The following CDK5RAP2 variants were observed in gnomAD, a reference collection of about 807,000 sequenced individuals.
CDK5RAP2 encodes CDK5 regulatory subunit-associated protein 2.
Under a neutral mutation model 232.9 loss-of-function variants are expected in CDK5RAP2, and 147 were observed. The ratio of observed to expected loss-of-function variants is 0.63; its 90% confidence interval spans 0.55 to 0.72. The LOEUF (loss-of-function observed/expected upper bound fraction) is 0.72, where lower values mean the gene tolerates loss of function less well. CDK5RAP2 is among the 30% of genes least tolerant of loss of function. CDK5RAP2 has a pLI of 0.00. For synonymous variants in CDK5RAP2, 833 were observed against 833.7 expected, an observed-to-expected ratio of 1.00 and a Z score of 0.01; for missense variants, 2,195 against 2,231.5, an observed-to-expected ratio of 0.98 and a Z score of 0.33.
chr9:120,456,466 C>G (rs899079488), intron 20 of CDK5RAP2, among the ~76,000 whole-genome samples: 1 of 152,182 alleles, frequency 6.6e-6, no homozygotes, highest in African/African-American at 2.4e-5. Context: ...AGAAGGCCCT[C>G]TGCATATCCA....
At chr9:120,482,046 G>C (rs2131589085) in intron 14 of CDK5RAP2, among the ~76,000 whole-genome samples, 1 of 152,252 alleles carries the variant, frequency 6.6e-6, no homozygotes, top group Middle Eastern at 3.4e-3. Context: ...CCATTTTTCA[G>C]ATGATGAAAC....
At position 120,467,924 on chromosome 9, in the gene CDK5RAP2, A is replaced by G. The variant is rs2037474838; in HGVS notation, c.2042T>C (p.Leu681Pro). ...ATTTCCCTGGAAACCCATGCAGGAG[A>G]GATCAAAAATGGTTTTCTTCAGGTG... The part of the protein sequence containing the change: ...NQHLKKTIFD[L>P]SCMGFQGNGF... Residue 681 changes from leucine (L) to proline (P), a missense_variant, in exon 18 of 38, where the codon CTC becomes CCC. Transcript: ENST00000349780. The G allele has an allele frequency of 6.2e-7, 1 of 1,614,104 alleles. No individual in the cohort carries two copies. The highest frequency in any genetic ancestry group is 8.5e-7 in the Non-Finnish European group (1 of 1,179,954).
At chr9:120,459,108 A>T (rs1420155075) in intron 19 of CDK5RAP2, among the ~76,000 whole-genome samples, 2 of 152,158 alleles carry the variant, frequency 1.3e-5, no homozygotes, top group African/African-American at 4.8e-5. Flanking sequence ...TATCCTCCTT[A>T]TTATATATCA....
At chr9:120,550,663 TAATC>T (rs994045912) in intron 4 of CDK5RAP2, 125 bp downstream of exon 4, 2 of 724,578 alleles carry the variant, frequency 2.8e-6, no homozygotes, top group Non-Finnish European at 5.1e-6. Context: ...ATGCTCCCCA[TAATC>T]AATTCAGATT....
At chr9:120,579,002 C>T (rs1416238375) in intron 1 of CDK5RAP2, among the ~76,000 whole-genome samples, 1 of 152,164 alleles carries the variant, frequency 6.6e-6, no homozygotes, top group Non-Finnish European at 1.5e-5. Flanking sequence ...CAGGGCTCTC[C>T]TCCTCTTCCC....
chr9:120,508,200 AATCTTAATGAGGAAGAG>A (rs902673419), intron 12 of CDK5RAP2, among the ~76,000 whole-genome samples: 5 of 152,042 alleles, frequency 3.3e-5, no homozygotes, highest in Admixed American at 1.3e-4. Flanking sequence ...ATTTCTCCAC[AATCTTAATGAGGAAGAG>A]ATACTCTGTG....
intron 12 of CDK5RAP2, among the ~76,000 whole-genome samples, chr9:120,510,386 T>C (rs540833211): frequency 6.6e-6 from 1 of 152,234 alleles, no homozygotes; most frequent in Admixed American, 6.5e-5. Flanking sequence ...CATTCTGAAA[T>C]AGTCTGGGGA....
At chr9:120,518,834 T>C (rs1174079059) in intron 11 of CDK5RAP2, among the ~76,000 whole-genome samples, 189 bp from the exon 12 acceptor site, 1 of 152,012 alleles carries the variant, frequency 6.6e-6, no homozygotes, top group African/African-American at 2.4e-5. Flanking sequence ...TTTCTTATGA[T>C]GTGGATGGTT....
chr9:120,427,964 G>A (rs988105017), intron 25 of CDK5RAP2, among the ~76,000 whole-genome samples: 9 of 152,018 alleles, frequency 5.9e-5, no homozygotes, highest in East Asian at 1.9e-4. Flanking sequence ...ACTCAAAACC[G>A]CTCAACTACA....
At chr9:120,463,204 T>C (rs965985502) in intron 18 of CDK5RAP2, among the ~76,000 whole-genome samples, 8 of 152,042 alleles carry the variant, frequency 5.3e-5, no homozygotes, top group African/African-American at 1.7e-4. Context: ...ATCTTGTCTC[T>C]ACTAAAAATT....
chr9:120,417,569 C>A lies in CDK5RAP2; in HGVS notation c.4177+2219G>T, dbSNP rs1433978531. Among the ~76,000 whole-genome samples the A allele has an allele frequency of 3.3e-5, 5 of 152,202 alleles. No individual in the cohort carries two copies. The East Asian group carries it at 9.6e-4, about 29-fold the overall frequency. ...AATGCTTAGCAGCAATCGAAACATG[C>A]CATCTTCCACTGAGTCTTTGGCCAG... On this transcript the variant is annotated intron_variant, in intron 27 of 37. Coordinates refer to ENST00000349780, the MANE Select transcript of CDK5RAP2 (RefSeq NM_018249.6).
chr9:120,407,902 A>G, intron 31 of CDK5RAP2: 1 of 264,312 alleles, frequency 3.8e-6, no homozygotes, highest in Non-Finnish European at 7.5e-6. Flanking sequence ...GGCAAAAAGT[A>G]ACATATACTA....
At chr9:120,478,594 A>T (rs2038145904) in intron 14 of CDK5RAP2, among the ~76,000 whole-genome samples, 1 of 152,124 alleles carries the variant, frequency 6.6e-6, no homozygotes, top group Non-Finnish European at 1.5e-5. Flanking sequence ...CAACATAGTG[A>T]GACCCCCGCC....
chr9:120,460,564 G>A lies in CDK5RAP2; in HGVS notation c.2202+8C>T, dbSNP rs200043699. The stretch of plus-strand genomic sequence containing the variant: ...GATGAAATAAGGAGTTAACTGAAAG[G>A]TTCCTACCTCATTACTCTGCTGCAA... On this transcript the variant is annotated splice_region_variant and intron_variant, in intron 19 of 37. Transcript: ENST00000349780. The A allele has an allele frequency of 4.4e-5, 71 of 1,613,568 alleles. No individual in the cohort carries two copies. In the Admixed American group the frequency reaches 1.2e-3, roughly 27 times the overall value.
In CDK5RAP2 at chr9:120,419,913, G is replaced by A. The variant is rs750886911; in HGVS notation, c.4052C>T (p.Pro1351Leu). Reference protein sequence around the residue: ...LTYQHLLPESPEPSASHALSD... With the variant: ...LTYQHLLPESLEPSASHALSD... The stretch of plus-strand genomic sequence containing the variant: ...GAGCGCATGAGAGGCTGAAGGCTCA[G>A]GAGATTCAGGCAGAAGATGTTGGTA... Residue 1351 changes from proline to leucine, a missense_variant, in exon 27 of 38, where the codon CCT becomes CTT. Pro to Leu is a moderately conservative substitution (Grantham distance 98). Coordinates refer to ENST00000349780, the MANE Select transcript of CDK5RAP2 (RefSeq NM_018249.6). 4.3e-6 allele frequency: 7 copies of A among 1,614,020 alleles called. No individual in the cohort carries two copies. In the Admixed American group the frequency reaches 1.0e-4, roughly 23 times the overall value.
chr9:120,421,202 C>T (rs1161016165), intron 26 of CDK5RAP2, among the ~76,000 whole-genome samples: 6 of 152,168 alleles, frequency 3.9e-5, no homozygotes, highest in African/African-American at 1.2e-4. Context: ...TCAAAGGGAC[C>T]GTGTCTCCTT....
chr9:120,560,976 T>A (rs868410011), intron 3 of CDK5RAP2, among the ~76,000 whole-genome samples: 23 of 151,674 alleles, frequency 1.5e-4, no homozygotes, highest in South Asian at 6.2e-4. Context: ...AAGCCTTTTT[T>A]AAAAAGGAAA....
chr9:120,485,754 A>G (rs1008658614), intron 14 of CDK5RAP2, among the ~76,000 whole-genome samples: 2 of 152,224 alleles, frequency 1.3e-5, no homozygotes. Flanking sequence ...AAGTTGGTCA[A>G]AATCTAACTA....
chr9:120,422,945 A>G (rs371647731), intron 25 of CDK5RAP2, among the ~76,000 whole-genome samples: 136 of 152,360 alleles, frequency 8.9e-4, no homozygotes, highest in African/African-American at 3.2e-3. Flanking sequence ...CACTAGTGCT[A>G]GGTGACAGCA....
Sources: allele counts gnomAD v4.1 joint callset (sites outside exome capture counted in the v4.1 genomes callset), GRCh38; gene constraint gnomAD v4.1.1; transcripts MANE v1.5; gene names NCBI Gene and HGNC (gene_info 2026-07-23, HGNC 2026-07-21).